NEBL: variants seen among roughly 807,000 people sequenced by gnomAD.
The protein encoded by NEBL is nebulette.
Under a neutral mutation model 140.2 loss-of-function variants are expected in NEBL, and 122 were observed. The observed-to-expected ratio is 0.87, with a 90% CI of 0.75 to 1.01. The LOEUF (loss-of-function observed/expected upper bound fraction) is 1.01. NEBL is among the 50% of genes least tolerant of loss of function. NEBL has a pLI of 0.00. For synonymous variants in NEBL, 436 were observed against 398.9 expected, an observed-to-expected ratio of 1.09 and a Z score of -1.11; for missense variants, 1,365 against 1,231.3, an observed-to-expected ratio of 1.11 and a Z score of -1.62.
At chr10:20,811,686 T>C (rs1242005681) in intron 24 of NEBL, among the ~76,000 whole-genome samples, 1 of 152,218 alleles carries the variant, frequency 6.6e-6, no homozygotes, top group Non-Finnish European at 1.5e-5. Flanking sequence ...CCCTGTCAAA[T>C]TTAGCTTATC....
chr10:20,819,424 C>G lies in NEBL; in HGVS notation c.2055G>C (p.Ala685=), dbSNP rs746081261. The part of the protein sequence containing the change: ...RVRRNQEQLS[A]VKYKGELQRG... ...ATAAAAGGAAACAGAAACGACTTGC[C>G]GCACTCAGCTGCTCCTGGTTTCGCC... Residue 685 remains alanine, a splice_region_variant and synonymous_variant, in exon 20 of 28, where the codon GCG becomes GCC. Transcript: ENST00000377122. 6.2e-7 allele frequency: 1 copy of G among 1,613,832 alleles called. No homozygotes were observed. Among genetic ancestry groups the G allele is most frequent in the African/African-American group, 1.3e-5 (1 of 74,860 alleles).
chr10:21,243,984 G>A (rs1294397862), intron 3 of NEBL, among the ~76,000 whole-genome samples: 1 of 151,556 alleles, frequency 6.6e-6, no homozygotes, highest in Non-Finnish European at 1.5e-5. Context: ...AGGGAGGGAA[G>A]GAAGGAAAGG....
At chr10:21,007,090 G>C (rs1004193372) in intron 3 of NEBL, among the ~76,000 whole-genome samples, 1 of 152,026 alleles carries the variant, frequency 6.6e-6, no homozygotes, top group African/African-American at 2.4e-5. Flanking sequence ...AGAATGAGAG[G>C]AGAAAGCCGA....
intron 3 of NEBL, among the ~76,000 whole-genome samples, chr10:20,984,025 T>C (rs1049870144): frequency 6.8e-4 from 103 of 151,906 alleles, no homozygotes; most frequent in African/African-American, 2.5e-3. Context: ...GCTCACCCAA[T>C]AATTAGTTTT....
intron 26 of NEBL, among the ~76,000 whole-genome samples, chr10:20,794,645 G>A (rs2131659851): frequency 6.6e-6 from 1 of 152,268 alleles, no homozygotes; most frequent in African/African-American, 2.4e-5. Context: ...GCACTCAGGT[G>A]TATACCCCTG....
chr10:21,033,398 A>G (rs929138294), intron 2 of NEBL, among the ~76,000 whole-genome samples: 9 of 152,228 alleles, frequency 5.9e-5, no homozygotes, highest in East Asian at 1.9e-4. Context: ...AAGATGGGGG[A>G]AAACCATAAA....
At chr10:21,185,380 G>T (rs1490888313) in intron 3 of NEBL, among the ~76,000 whole-genome samples, 1 of 152,000 alleles carries the variant, frequency 6.6e-6, no homozygotes, top group East Asian at 1.9e-4. Context: ...GGGGGTCAGG[G>T]AGTAGAGGAG....
chr10:21,257,185 A>G (rs1268205062), intron 1 of NEBL, among the ~76,000 whole-genome samples: 2 of 152,250 alleles, frequency 1.3e-5, no homozygotes, highest in Non-Finnish European at 2.9e-5. Flanking sequence ...AACACTACCA[A>G]GCAAAGGATA....
chr10:21,095,801 T>G (rs896193567), intron 2 of NEBL, among the ~76,000 whole-genome samples: 7 of 152,194 alleles, frequency 4.6e-5, no homozygotes, highest in African/African-American at 1.7e-4. Context: ...CAAGGAAGAC[T>G]TGGGGTTATC....
At chr10:21,226,983 T>C (rs1842160453) in intron 3 of NEBL, among the ~76,000 whole-genome samples, 1 of 152,114 alleles carries the variant, frequency 6.6e-6, no homozygotes, top group African/African-American at 2.4e-5. Flanking sequence ...ATATTACATT[T>C]CCCCACTTCA....
At chr10:20,993,241 C>T (rs1761014105) in intron 3 of NEBL, among the ~76,000 whole-genome samples, 1 of 150,474 alleles carries the variant, frequency 6.6e-6, no homozygotes, top group South Asian at 2.1e-4. Flanking sequence ...AACCTCTGGT[C>T]ATGAAAGTTT....
intron 2 of NEBL, chr10:21,029,025 T>G (rs1833661691): frequency 1.3e-6 from 1 of 781,296 alleles, no homozygotes. Context: ...AAAAGACGAA[T>G]AAGAAGAGGA....
chr10:20,955,991 T>G (rs1266025068), intron 4 of NEBL, among the ~76,000 whole-genome samples: 2 of 152,194 alleles, frequency 1.3e-5, no homozygotes, highest in African/African-American at 4.8e-5. Context: ...CAATGCCATT[T>G]TACAACCAAA....
intron 1 of NEBL, among the ~76,000 whole-genome samples, chr10:21,285,637 C>A (rs1843045273): frequency 1.3e-5 from 2 of 152,224 alleles, no homozygotes; most frequent in African/African-American, 4.8e-5. Flanking sequence ...GCAAAATGAA[C>A]TTTCTAAATT....
chr10:21,207,043 G>C lies in NEBL; in HGVS notation n.349-34566C>G, dbSNP rs183330580. ...GGCTAGAGTGCAGTGGTGCAGGCTCGGCTTACTGCAACCTCTGCCTCCCAG... is the reference window on the plus strand; with the variant it reads ...GGCTAGAGTGCAGTGGTGCAGGCTCCGCTTACTGCAACCTCTGCCTCCCAG... On this transcript the variant is annotated intron_variant and non_coding_transcript_variant, in intron 3 of 8. Coordinates refer to the NEBL transcript ENST00000675702. Among the ~76,000 whole-genome samples, 161 of 146,076 alleles carry C rather than the reference G, an allele frequency of 1.1e-3. 1 individual carries two copies. Among genetic ancestry groups the C allele is most frequent in the Non-Finnish European group, 1.2e-3 (81 of 67,194 alleles).
At chr10:21,195,524 G>A (rs908256210) in intron 3 of NEBL, among the ~76,000 whole-genome samples, 4 of 152,090 alleles carry the variant, frequency 2.6e-5, no homozygotes, top group Non-Finnish European at 4.4e-5. Context: ...CTGCCAGACC[G>A]GCTCAAAACA....
chr10:21,036,524 T>C (rs1834022223), intron 2 of NEBL, among the ~76,000 whole-genome samples: 4 of 152,132 alleles, frequency 2.6e-5, no homozygotes, highest in Admixed American at 2.0e-4. Context: ...GACCCCTTAG[T>C]TGATAGTCAA....
intron 3 of NEBL, among the ~76,000 whole-genome samples, chr10:21,237,616 C>CT (rs761341648): frequency 3.8e-4 from 58 of 151,142 alleles, no homozygotes; most frequent in African/African-American, 1.3e-3. Context: ...CCCTGATGTT[C>CT]TTTTTTGTGA....
chr10:20,986,093 A>C (rs988049838), intron 3 of NEBL, among the ~76,000 whole-genome samples: 14 of 152,210 alleles, frequency 9.2e-5, no homozygotes, highest in Non-Finnish European at 1.9e-4. Context: ...TGCTAAATGG[A>C]AAATACATCA....
Sources: allele counts gnomAD v4.1 joint callset (sites outside exome capture counted in the v4.1 genomes callset), GRCh38; gene constraint gnomAD v4.1.1; transcripts MANE v1.5; gene names NCBI Gene and HGNC (gene_info 2026-07-23, HGNC 2026-07-21).